Variants in LIPM observed in about 807,000 individuals in gnomAD.
LIPM encodes lipase member M.
Under a neutral mutation model 42.4 loss-of-function variants are expected in LIPM, and 42 were observed. The observed-to-expected ratio is 0.99, with a 90% CI of 0.77 to 1.28. The LOEUF (loss-of-function observed/expected upper bound fraction) is 1.28, where lower values mean the gene tolerates loss of function less well. Ranked by LOEUF, LIPM falls within the 50% of genes most tolerant of loss-of-function variation. LIPM has a pLI of 0.00. For missense variants in LIPM, 524 were observed against 520.1 expected, an observed-to-expected ratio of 1.01 and a Z score of -0.07; for synonymous variants, 177 against 173.3, an observed-to-expected ratio of 1.02 and a Z score of -0.17.
At chr10:88,809,803 T>C (rs1389763985) in intron 2 of LIPM, among the ~76,000 whole-genome samples, 1 of 152,230 alleles carries the variant, frequency 6.6e-6, no homozygotes, top group African/African-American at 2.4e-5. Context: ...TCTCACTAGC[T>C]GCACAGCTGC....
intron 8 of LIPM, among the ~76,000 whole-genome samples, chr10:88,818,816 T>C (rs1156739883): frequency 6.6e-6 from 1 of 152,210 alleles, no homozygotes; most frequent in Non-Finnish European, 1.5e-5. Flanking sequence ...CTGCTTCTCT[T>C]GAAGTCTTTC....
At position 88,802,760 on chromosome 10, in the gene LIPM, C is replaced by T. The variant is rs1269850667; in HGVS notation, c.-137C>T. On this transcript the variant is annotated 5_prime_UTR_variant, in exon 1 of 9. Coordinates refer to ENST00000404743, the MANE Select transcript of LIPM (RefSeq NM_001128215.1). ...TTGTGTTCTTTCCCTACCAACTAAG[C>T]TTGCCTAATTTGCTTCAGAATTGGA... 1 of 846,126 alleles carries T rather than the reference C, an allele frequency of 1.2e-6. No homozygotes were observed. Among genetic ancestry groups the T allele is most frequent in the Non-Finnish European group, 1.8e-6 (1 of 552,814 alleles). 52.4% of individuals were successfully genotyped at this position (846,126 alleles called of 1,614,324 possible).
intron 2 of LIPM, among the ~76,000 whole-genome samples, chr10:88,808,644 CCTT>C (rs1299698979): frequency 6.6e-6 from 1 of 152,176 alleles, no homozygotes; most frequent in Non-Finnish European, 1.5e-5. Flanking sequence ...TCAAAACACT[CCTT>C]CAAGAAAAGT....
Position 88,816,825 on chromosome 10 carries a change from A to T in LIPM, c.868A>T (p.Ser290Cys), listed in dbSNP as rs1843723723. 1 of 1,551,036 alleles carries T rather than the reference A, an allele frequency of 6.4e-7. No homozygotes were observed. The highest frequency in any genetic ancestry group is 1.4e-5 in the African/African-American group (1 of 73,028). ...NTNNMNMSRA[S>C]VYAAHTLAGT... The stretch of plus-strand genomic sequence containing the variant: ...TCATGGTTTGTTACAGAGCCGAGCA[A>T]GTGTATATGCTGCCCACACTCTTGC... Residue 290 changes from serine to cysteine, a missense_variant, in exon 7 of 9, where the codon AGT becomes TGT. Transcript: ENST00000404743.
At chr10:88,818,948 C>T (rs543568445) in intron 8 of LIPM, among the ~76,000 whole-genome samples, 12 of 152,222 alleles carry the variant, frequency 7.9e-5, no homozygotes, top group South Asian at 4.1e-4. Context: ...AGTGCAGTGG[C>T]GCAGTCTCGG....
intron 1 of LIPM, among the ~76,000 whole-genome samples, chr10:88,804,944 T>A (rs932257269): frequency 6.6e-6 from 1 of 152,342 alleles, no homozygotes; most frequent in African/African-American, 2.4e-5. Context: ...TTGAATTCTT[T>A]CCTGGGCAAA....
intron 1 of LIPM, among the ~76,000 whole-genome samples, chr10:88,806,846 G>A (rs1168683889): frequency 2.0e-5 from 3 of 151,912 alleles, no homozygotes; most frequent in African/African-American, 7.3e-5. Context: ...CACCACGCCC[G>A]GCTAATTTTT....
chr10:88,806,313 C>A (rs1843586004), intron 1 of LIPM, among the ~76,000 whole-genome samples: 1 of 152,194 alleles, frequency 6.6e-6, no homozygotes, highest in African/African-American at 2.4e-5. Context: ...AGTTCAAATT[C>A]TTCCTCCATA....
chr10:88,809,008 G>A (rs1419885701), intron 2 of LIPM, among the ~76,000 whole-genome samples: 1 of 150,822 alleles, frequency 6.6e-6, no homozygotes, highest in African/African-American at 2.5e-5. Flanking sequence ...AGGCTGGAGT[G>A]CAGTGGTAGG....
chr10:88,806,118 C>T (rs1477366839), intron 1 of LIPM: 2 of 408,666 alleles, frequency 4.9e-6, no homozygotes, highest in Admixed American at 2.8e-5. Context: ...GACAGCACTT[C>T]CAGTGGATGG....
In LIPM at chr10:88,804,120, A is replaced by T. The variant is rs4933485; in HGVS notation, c.147+1077A>T. The stretch of plus-strand genomic sequence containing the variant: ...GGAAATAGAAATATTCTGTATCTGC[A>T]TGGTGCTGAATATCAGGTTTCTTTT... On this transcript the variant is annotated intron_variant, in intron 1 of 8. Transcript: ENST00000404743. Among the ~76,000 whole-genome samples the T allele has an allele frequency of 9.0e-3, 1,365 of 152,338 alleles. 52 individuals are homozygous for T. The highest frequency in any genetic ancestry group is 0.081 in the East Asian group (420 of 5,186).
chr10:88,815,208 C>T lies in LIPM; in HGVS notation c.695C>T (p.Pro232Leu). Reference sequence around the variant, plus strand: ...CCCGGGACCAAATTTTTGTTGCTGCCAGATATGATGATCAAGGTATGAGAC... The same window carrying T: ...CCCGGGACCAAATTTTTGTTGCTGCTAGATATGATGATCAAGGTATGAGAC... ...KSPGTKFLLL[P>L]DMMIKGLFGK... Residue 232 changes from proline to leucine, a missense_variant, in exon 5 of 9, where the codon CCA (proline) becomes CTA (leucine). Pro to Leu is a moderately conservative substitution (Grantham distance 98). Coordinates refer to ENST00000404743, the MANE Select transcript of LIPM (RefSeq NM_001128215.1). The T allele has an allele frequency of 6.4e-7, 1 of 1,551,848 alleles. No homozygotes were observed. The highest frequency in any genetic ancestry group is 1.2e-5 in the South Asian group (1 of 83,988).
At chr10:88,815,529 A>G (rs1843708945) in intron 6 of LIPM, 26 bp downstream of exon 6, 5 of 1,547,266 alleles carry the variant, frequency 3.2e-6, no homozygotes, top group Non-Finnish European at 3.5e-6. Context: ...GTAAATTCCC[A>G]GCATCCCAGC....
At chr10:88,814,063 C>T (rs775326539) in intron 3 of LIPM, among the ~76,000 whole-genome samples, 10 of 152,130 alleles carry the variant, frequency 6.6e-5, no homozygotes, top group African/African-American at 1.7e-4. Context: ...TAGGGACCAT[C>T]GATTTGACTT....
At chr10:88,805,822 G>T in intron 1 of LIPM, 1 of 356,934 alleles carries the variant, frequency 2.8e-6, no homozygotes, top group Non-Finnish European at 5.6e-6. Flanking sequence ...TTATTAAGGA[G>T]AATCATCATC....
chr10:88,810,216 A>G (rs1451986416), intron 2 of LIPM, among the ~76,000 whole-genome samples: 1 of 152,226 alleles, frequency 6.6e-6, no homozygotes, highest in African/African-American at 2.4e-5. Flanking sequence ...TAGATTTTGT[A>G]TAAATAAATG....
intron 8 of LIPM, among the ~76,000 whole-genome samples, chr10:88,819,968 TTA>T (rs2133065400): frequency 6.6e-6 from 1 of 152,330 alleles, no homozygotes; most frequent in South Asian, 2.1e-4. Flanking sequence ...TTACATGTTT[TTA>T]TGTGTTTTGT....
intron 8 of LIPM, among the ~76,000 whole-genome samples, chr10:88,818,117 T>C (rs941399373): frequency 6.6e-6 from 1 of 152,228 alleles, no homozygotes. Flanking sequence ...TAGCTGAGGC[T>C]GTCTCCCTAA....
intron 2 of LIPM, among the ~76,000 whole-genome samples, chr10:88,809,328 C>T (rs1190335132): frequency 1.3e-5 from 2 of 152,146 alleles, no homozygotes; most frequent in Non-Finnish European, 2.9e-5. Flanking sequence ...GTGGGATTTT[C>T]AGCTATTGTT....
Sources: gnomAD v4.1 joint callset for allele counts (sites outside exome capture counted in the v4.1 genomes callset) on GRCh38, gnomAD v4.1.1 for gene constraint, MANE v1.5 for transcripts, NCBI Gene and HGNC (gene_info 2026-07-23, HGNC 2026-07-21) for gene names.